Variants in DHX34 observed in about 807,000 individuals in gnomAD.
The protein encoded by DHX34 is probable ATP-dependent RNA helicase DHX34.
Under a neutral mutation model 111.1 loss-of-function variants are expected in DHX34, and 96 were observed. The observed-to-expected ratio is 0.86, with a 90% CI of 0.73 to 1.02. The LOEUF is 1.02. DHX34 is among the 50% of genes least tolerant of loss of function. The pLI, the probability that DHX34 is intolerant of heterozygous loss-of-function variation, is 0.00. For synonymous variants in DHX34, 688 were observed against 670.4 expected (o/e 1.03, Z -0.41); for missense variants, 1,560 against 1,579.9 (o/e 0.99, Z 0.21).
At position 47,353,510 on chromosome 19, in the gene DHX34, A is replaced by G; in HGVS notation, c.480A>G (p.Ala160=). 6.2e-7 allele frequency: 1 copy of G among 1,613,878 alleles called. No individual in the cohort carries two copies. The highest frequency in any genetic ancestry group is 8.5e-7 in the Non-Finnish European group (1 of 1,179,950). ...GRLAKLQRER[A]ALPIAQYGNR... ...TGGCCAAGCTGCAGCGTGAGCGGGC[A>G]GCCCTCCCCATCGCCCAGTATGGGA... Residue 160 remains alanine (A), a synonymous_variant, in exon 2 of 17, where the codon GCA becomes GCG. Transcript: ENST00000328771. This position sits in a 1 kb window ranked among gnomAD's most constrained non-coding sequence, Gnocchi z 4.6.
chr19:47,379,086 G>A (rs1199017729), intron 13 of DHX34, among the ~76,000 whole-genome samples: 2 of 152,142 alleles, frequency 1.3e-5, no homozygotes, highest in East Asian at 1.9e-4. Flanking sequence ...CCAAGATTGC[G>A]CCATTGCATT....
chr19:47,380,697 G>A, intron 14 of DHX34, 119 bp from the exon 15 acceptor site: 6 of 1,506,530 alleles, frequency 4.0e-6, no homozygotes, highest in Non-Finnish European at 5.3e-6. Flanking sequence ...ATTGGTGTAA[G>A]CACTTGGCTC....
chr19:47,358,207 A>G, intron 4 of DHX34, 87 bp downstream of exon 4: 1 of 1,511,912 alleles, frequency 6.6e-7, no homozygotes, highest in Non-Finnish European at 8.9e-7. Flanking sequence ...CTCCACAAAC[A>G]CAGGGCTCGG....
chr19:47,378,929 G>C (rs1307516354), intron 13 of DHX34, among the ~76,000 whole-genome samples: 1 of 151,242 alleles, frequency 6.6e-6, no homozygotes, highest in Non-Finnish European at 1.5e-5. Flanking sequence ...CAGGAGTTTG[G>C]GACCAGCCTA....
At chr19:47,376,873 C>A (rs990319689) in intron 12 of DHX34, 4 of 1,532,016 alleles carry the variant, frequency 2.6e-6, no homozygotes, top group Admixed American at 3.9e-5. Flanking sequence ...CAGAGGGAGG[C>A]CCCCCTGGCA....
chr19:47,372,575 G>T (rs1969996449), intron 7 of DHX34, 155 bp from the exon 8 acceptor site: 1 of 983,576 alleles, frequency 1.0e-6, no homozygotes, highest in Non-Finnish European at 1.2e-6. Context: ...CAGCGCGTGG[G>T]TTTGAATCTC....
rs556001174 is a variant in DHX34 at position 47,379,553 on chromosome 19, C to T, written c.2707-157C>T. The T allele has an allele frequency of 7.1e-6, 7 of 984,476 alleles. No homozygotes were observed. The African/African-American group carries it at 1.0e-4, about 15-fold the overall frequency. The allele number at this position is 984,476 out of a possible 1,614,324, so 61.0% of individuals were successfully genotyped here. On this transcript the variant is annotated intron_variant, in intron 13 of 16. Transcript: ENST00000328771. ...TTGTTCATGCCGTATCCCCAGCACCCGAAGGGGTGCCTGGTACAGCGGGTA... is the reference window on the plus strand; with the variant it reads ...TTGTTCATGCCGTATCCCCAGCACCTGAAGGGGTGCCTGGTACAGCGGGTA...
intron 16 of DHX34, 23 bp from the exon 17 acceptor site, chr19:47,381,957 G>T: frequency 6.2e-7 from 1 of 1,613,956 alleles, no homozygotes; most frequent in East Asian, 2.2e-5. Context: ...GCCCCTCACA[G>T]CCTCCTCCTT....
Position 47,380,948 on chromosome 19 carries a change from G to T in DHX34, c.3115G>T (p.Gly1039Trp), listed in dbSNP as rs368827960. 15 of 1,604,086 alleles carry T rather than the reference G, an allele frequency of 9.4e-6. No individual in the cohort carries two copies. The highest frequency in any genetic ancestry group is 1.3e-5 in the Non-Finnish European group (15 of 1,175,360). The change falls in exon 15 of 17, where the codon GGG becomes TGG. Residue 1039 changes from glycine (G) to tryptophan (W), a missense_variant. Transcript: ENST00000328771. ...SSTLSPHPTK[G>W]GYAVTDFLTY... Reference sequence around the variant, plus strand: ...CACCCTGTCCCCCCACCCCACAAAGGGGGGCTACGCAGTCACTGACTTCCT... The same window carrying T: ...CACCCTGTCCCCCCACCCCACAAAGTGGGGCTACGCAGTCACTGACTTCCT...
intron 6 of DHX34, among the ~76,000 whole-genome samples, chr19:47,364,303 G>A (rs1358581214): frequency 1.3e-5 from 2 of 152,168 alleles, no homozygotes; most frequent in African/African-American, 4.8e-5. Flanking sequence ...CTTGTGCTCA[G>A]GAACAAAAGG....
chr19:47,379,313 C>A (rs905295490), intron 13 of DHX34, among the ~76,000 whole-genome samples: 1 of 151,974 alleles, frequency 6.6e-6, no homozygotes, highest in Non-Finnish European at 1.5e-5. Context: ...TTTTCCCCAA[C>A]ATCTTATGAG....
intron 1 of DHX34, among the ~76,000 whole-genome samples, chr19:47,351,078 GAT>G (rs1445003348): frequency 5.3e-5 from 8 of 150,960 alleles, no homozygotes; most frequent in Admixed American, 2.0e-4. Flanking sequence ...AGCCAAAAAA[GAT>G]AGATACCTTG....
chr19:47,377,048 ATGGGCCTGGGTGGGCCAGGG>A (rs1970186719), intron 12 of DHX34, 32 bp from the exon 13 acceptor site: 5 of 1,611,332 alleles, frequency 3.1e-6, no homozygotes, highest in African/African-American at 2.7e-5. Context: ...CGGGCTTCTG[ATGGGCCTGGGTGGGCCAGGG>A]TGGGCCTGAG....
chr19:47,376,657 G>A (rs1970172879), intron 12 of DHX34, 97 bp downstream of exon 12: 2 of 1,494,512 alleles, frequency 1.3e-6, no homozygotes, highest in Non-Finnish European at 1.8e-6. Context: ...TCCCACACCG[G>A]CCCAGGCTGG....
chr19:47,363,902 C>G (rs548748140), intron 6 of DHX34, among the ~76,000 whole-genome samples: 1 of 151,958 alleles, frequency 6.6e-6, no homozygotes, highest in East Asian at 1.9e-4. Flanking sequence ...AACAGGAAAC[C>G]TAGCAGGAAA....
chr19:47,373,927 G>A (rs1970051204), intron 9 of DHX34, among the ~76,000 whole-genome samples: 1 of 152,170 alleles, frequency 6.6e-6, no homozygotes, highest in Non-Finnish European at 1.5e-5. Flanking sequence ...TGGACATGCA[G>A]CATCCTCGGG....
At chr19:47,373,038 GC>G in intron 8 of DHX34, 115 bp downstream of exon 8, 1 of 1,335,408 alleles carries the variant, frequency 7.5e-7, no homozygotes, top group Non-Finnish European at 9.9e-7. Context: ...GGACCACTGA[GC>G]CCCCCACAGA....
In DHX34 at chr19:47,372,904, T is replaced by A. The variant is rs1970014822; in HGVS notation, c.1943T>A (p.Val648Asp). The change falls in exon 8 of 17, where the codon GTC becomes GAC. Residue 648 changes from valine (V) to aspartate (D), a missense_variant. Coordinates refer to ENST00000328771, the MANE Select transcript of DHX34 (RefSeq NM_014681.6). ...DQGDPFTLFN[V>D]FNAWVQVKSE... ...GGTGACCCCTTCACGCTCTTCAACG[T>A]CTTCAACGCCTGGGTGCAGGTGAGG... 6.2e-7 allele frequency: 1 copy of A among 1,602,854 alleles called. No homozygotes were observed. The highest frequency in any genetic ancestry group is 1.7e-5 in the Admixed American group (1 of 59,656).
intron 4 of DHX34, among the ~76,000 whole-genome samples, chr19:47,359,461 CAAA>C (rs112009015): frequency 5.4e-5 from 6 of 110,912 alleles, no homozygotes; most frequent in Non-Finnish European, 5.7e-5. Context: ...GATCCTGTCT[CAAA>C]AAAAAAAAAA....
Sources: allele counts gnomAD v4.1 joint callset (sites outside exome capture counted in the v4.1 genomes callset), GRCh38; gene constraint gnomAD v4.1.1; non-coding constraint Gnocchi (gnomAD v3.1); transcripts MANE v1.5; gene names NCBI Gene and HGNC (gene_info 2026-07-23, HGNC 2026-07-21).